The following CSDE1 variants were observed in gnomAD, a reference collection of about 807,000 sequenced individuals.
CSDE1 encodes the protein cold shock domain-containing protein E1.
A neutral mutation model predicts 89.3 loss-of-function variants in CSDE1; 17 were observed. The observed-to-expected ratio is 0.19, with a 90% CI of 0.13 to 0.29. The LOEUF (loss-of-function observed/expected upper bound fraction) is 0.29. Ranked by LOEUF, CSDE1 falls within the 10% of genes least tolerant of loss-of-function variation. CSDE1 has a pLI of 1.00. For synonymous variants in CSDE1, 322 were observed against 332.8 expected (o/e 0.97, Z 0.35); for missense variants, 672 against 984.2 (o/e 0.68, Z 4.24).
At chr1:114,742,402 T>C (rs1275436362) in intron 2 of CSDE1, among the ~76,000 whole-genome samples, 1 of 152,046 alleles carries the variant, frequency 6.6e-6, no homozygotes, top group Non-Finnish European at 1.5e-5. Context: ...GCCAACATGG[T>C]GAAAGCCTGT....
At chr1:114,745,754 G>A in intron 2 of CSDE1, among the ~76,000 whole-genome samples, 1 of 152,114 alleles carries the variant, frequency 6.6e-6, no homozygotes, top group East Asian at 1.9e-4. Flanking sequence ...GACAAAATTA[G>A]TCCTCCTTTA....
At chr1:114,732,567 CATATTAG>C (rs1351859055) in intron 10 of CSDE1, 30 bp downstream of exon 10, 1 of 1,589,774 alleles carries the variant, frequency 6.3e-7, no homozygotes, top group Non-Finnish European at 8.6e-7. Context: ...TTGGCTTTCG[CATATTAG>C]ATACATATCC....
chr1:114,732,106 G>C (rs1366674379), intron 10 of CSDE1, among the ~76,000 whole-genome samples: 1 of 152,016 alleles, frequency 6.6e-6, no homozygotes, highest in South Asian at 2.1e-4. Flanking sequence ...GAGCCACCGT[G>C]CCTATGATTT....
chr1:114,744,979 A>T lies in CSDE1; in HGVS notation c.-1+4842T>A, dbSNP rs149309740. On this transcript the variant is annotated intron_variant, in intron 2 of 19. Coordinates refer to ENST00000358528, the MANE Select transcript of CSDE1 (RefSeq NM_001007553.3). ...GAATATCAATTATTAAACTTTATAC[A>T]CAAAAGCTAAAACATTAAACATTAA... 9.4e-4 allele frequency among the ~76,000 whole-genome samples: 143 copies of T among 152,322 alleles called. 3 individuals are homozygous for T. The East Asian group carries it at 0.025, about 26-fold the overall frequency.
intron 2 of CSDE1, chr1:114,746,427 T>A (rs574766383): frequency 6.6e-6 from 1 of 152,162 alleles, no homozygotes; most frequent in Non-Finnish European, 1.5e-5. Context: ...ATAAAAAAAC[T>A]ATAACCTAAT....
Position 114,734,533 on chromosome 1 carries a change from A to G in CSDE1, c.501-10T>C, listed in dbSNP as rs1427921816. 1 of 1,605,812 alleles carries G rather than the reference A, an allele frequency of 6.2e-7. No individual in the cohort carries two copies. The highest frequency in any genetic ancestry group is 2.2e-5 in the East Asian group (1 of 44,744). On this transcript the variant is annotated splice_polypyrimidine_tract_variant and intron_variant, in intron 6 of 19. Coordinates refer to ENST00000358528, the MANE Select transcript of CSDE1 (RefSeq NM_001007553.3). Reference sequence around the variant, plus strand: ...ACTTACAGCACCAGTACTAGAAAAAAAATAATTGCAGGGAGGAGGAATGAA... The same window carrying G: ...ACTTACAGCACCAGTACTAGAAAAAGAATAATTGCAGGGAGGAGGAATGAA...
intron 9 of CSDE1, among the ~76,000 whole-genome samples, chr1:114,733,471 A>C (rs1660215199): frequency 6.6e-6 from 1 of 150,522 alleles, no homozygotes; most frequent in Non-Finnish European, 1.5e-5. Flanking sequence ...GGTTGCAGTG[A>C]GCCGAGATCG....
intron 2 of CSDE1, among the ~76,000 whole-genome samples, chr1:114,740,293 G>A (rs1009787137): frequency 6.6e-6 from 1 of 152,156 alleles, no homozygotes; most frequent in African/African-American, 2.4e-5. Flanking sequence ...ATTTGGTAAC[G>A]CTATTTTGAA....
rs1027111946 is a variant in CSDE1 at position 114,725,349 on chromosome 1, A to G, written c.1641-16T>C. 1.3e-6 allele frequency: 2 copies of G among 1,586,492 alleles called. No homozygotes were observed. Among genetic ancestry groups the G allele is most frequent in the Admixed American group, 1.7e-5 (1 of 59,984 alleles). On this transcript the variant is annotated splice_polypyrimidine_tract_variant and intron_variant, in intron 14 of 19. Transcript: ENST00000358528. ...AGAGAACTCACTAAGGAGAAAGGAA[A>G]TGACATTTAACTAAACATTACCATA... is the stretch of plus-strand genomic sequence containing the variant.
At chr1:114,743,930 G>GT (rs1660872347) in intron 2 of CSDE1, among the ~76,000 whole-genome samples, 1 of 152,174 alleles carries the variant, frequency 6.6e-6, no homozygotes, top group Non-Finnish European at 1.5e-5. Context: ...CTTTAGATAA[G>GT]TTGATGTGAC....
At chr1:114,723,508 C>T (rs1659637896) in intron 16 of CSDE1, among the ~76,000 whole-genome samples, 1 of 152,006 alleles carries the variant, frequency 6.6e-6, no homozygotes, top group African/African-American at 2.4e-5. Context: ...TAAACTTTTA[C>T]AGGAAGCAAA....
chr1:114,749,149 C>T (rs561765838), intron 2 of CSDE1, among the ~76,000 whole-genome samples: 8 of 152,322 alleles, frequency 5.3e-5, no homozygotes, highest in South Asian at 2.1e-4. Context: ...CTTCAAATAT[C>T]CCTTTTCTGT....
chr1:114,739,145 C>T (rs1660579744), intron 3 of CSDE1, among the ~76,000 whole-genome samples: 1 of 152,054 alleles, frequency 6.6e-6, no homozygotes, highest in Non-Finnish European at 1.5e-5. Flanking sequence ...CATTCTCCTG[C>T]TTCAGCCTCC....
chr1:114,728,186 A>G (rs1659903706), intron 12 of CSDE1, among the ~76,000 whole-genome samples: 1 of 152,206 alleles, frequency 6.6e-6, no homozygotes. Context: ...GGGAAATCTG[A>G]GGAATTAAGT....
At chr1:114,737,218 A>G (rs944698537) in intron 5 of CSDE1, among the ~76,000 whole-genome samples, 1 of 152,124 alleles carries the variant, frequency 6.6e-6, no homozygotes, top group Non-Finnish European at 1.5e-5. Context: ...AACCCCCAAA[A>G]AAGTGATTAA....
chr1:114,720,808 G>C, intron 16 of CSDE1, 91 bp from the exon 17 acceptor site: 1 of 1,082,864 alleles, frequency 9.2e-7, no homozygotes, highest in Non-Finnish European at 1.3e-6. Flanking sequence ...CTAAAAATGT[G>C]TTATGTTACT....
intron 12 of CSDE1, 105 bp from the exon 13 acceptor site, chr1:114,727,195 C>A: frequency 1.4e-6 from 1 of 709,400 alleles, no homozygotes; most frequent in South Asian, 2.0e-5. Flanking sequence ...ATTGGTACAG[C>A]TGTAAAAATG....
intron 1 of CSDE1, among the ~76,000 whole-genome samples, chr1:114,750,576 CAAGATGTAAACATGGAAAAAAAA>C (rs1016498501): frequency 6.6e-6 from 1 of 151,066 alleles, no homozygotes; most frequent in Non-Finnish European, 1.5e-5. Context: ...GCTGAAAAGA[CAAGATGTAAACATGGAAAAAAAA>C]AACAGAGTAT....
At chr1:114,724,036 T>G in intron 15 of CSDE1, 34 bp from the exon 16 acceptor site, 1 of 1,600,430 alleles carries the variant, frequency 6.2e-7, no homozygotes, top group African/African-American at 1.3e-5. Flanking sequence ...CTTTCAATTT[T>G]ATTTCATCTC....
Sources: gnomAD v4.1 joint callset for allele counts (sites outside exome capture counted in the v4.1 genomes callset) on GRCh38, gnomAD v4.1.1 for gene constraint, MANE v1.5 for transcripts, NCBI Gene and HGNC (gene_info 2026-07-23, HGNC 2026-07-21) for gene names.